Variants in LAX1 observed in about 807,000 individuals in gnomAD.
LAX1 encodes lymphocyte transmembrane adaptor 1.
A neutral mutation model predicts 20.7 loss-of-function variants in LAX1; 17 were observed. The ratio of observed to expected loss-of-function variants is 0.82; its 90% CI spans 0.56 to 1.23. The LOEUF is 1.23. LAX1 is among the 50% of genes most tolerant of loss of function. The probability of loss-of-function intolerance (pLI) is 0.00; values close to 1 mark genes in which losing one functional copy is unlikely to be tolerated. For synonymous variants in LAX1, 165 were observed against 181.0 expected, an observed-to-expected ratio of 0.91 and a Z score of 0.71; for missense variants, 470 against 487.0, an observed-to-expected ratio of 0.97 and a Z score of 0.33.
chr1:203,770,785 C>T lies in LAX1; in HGVS notation c.90-43C>T, dbSNP rs771580921. 5.1e-5 allele frequency: 76 copies of T among 1,493,988 alleles called. No individual in the cohort carries two copies. The Middle Eastern group carries it at 5.1e-4, about 10-fold the overall frequency. 92.5% of individuals were successfully genotyped at this position (1,493,988 alleles called of 1,614,324 possible). A position where few individuals can be genotyped will look rare whatever the true frequency, so the allele number is the denominator to read the frequency against. On this transcript the variant is annotated intron_variant, in intron 1 of 4. Transcript: ENST00000442561. ...AAGGAAATGTCTCCTCCAGCCTCTC[C>T]ACCCTCCTACAGCTAGCACATGTCA...
At chr1:203,768,788 G>A (rs746546684) in intron 1 of LAX1, among the ~76,000 whole-genome samples, 12 of 152,158 alleles carry the variant, frequency 7.9e-5, no homozygotes, top group Non-Finnish European at 1.3e-4. Flanking sequence ...AAAGCAAGGA[G>A]ACCATCCAGG....
intron 1 of LAX1, among the ~76,000 whole-genome samples, chr1:203,767,601 C>T (rs1015721820): frequency 6.6e-6 from 1 of 152,078 alleles, no homozygotes; most frequent in African/African-American, 2.4e-5. Context: ...AGCCACCATG[C>T]CCCGCCTTGG....
chr1:203,772,622 T>C (rs1035408720), intron 4 of LAX1, among the ~76,000 whole-genome samples: 6 of 152,172 alleles, frequency 3.9e-5, no homozygotes, highest in Admixed American at 2.6e-4. Context: ...GAGACGGGGT[T>C]TCACCATGTT....
intron 4 of LAX1, among the ~76,000 whole-genome samples, chr1:203,773,164 A>G (rs751501287): frequency 5.3e-5 from 8 of 152,314 alleles, no homozygotes; most frequent in Non-Finnish European, 1.2e-4. Flanking sequence ...CCTCAGGAGC[A>G]GAAATATCTG....
intron 1 of LAX1, among the ~76,000 whole-genome samples, chr1:203,770,433 A>AAGAAAGAGAGAG (rs1553254323): frequency 4.5e-5 from 2 of 44,926 alleles, no homozygotes; most frequent in Non-Finnish European, 9.8e-5. Context: ...GAAAGAAAGA[A>AAGAAAGAGAGAG]AGAGAGAGAG....
Position 203,765,542 on chromosome 1 carries a change from A to G in LAX1, c.-24A>G, listed in dbSNP as rs754960006. ...AGAAACTTAGAAGCTGAAGCCAGAGAGCATCTCAAAGGTTCCTGATACAAT... is the reference window on the plus strand; with the variant it reads ...AGAAACTTAGAAGCTGAAGCCAGAGGGCATCTCAAAGGTTCCTGATACAAT... On this transcript the variant is annotated 5_prime_UTR_variant, in exon 1 of 5. Transcript: ENST00000442561. 2 of 1,613,958 alleles carry G rather than the reference A, an allele frequency of 1.2e-6. No homozygotes were observed. The highest frequency in any genetic ancestry group is 2.7e-5 in the African/African-American group (2 of 74,930).
At chr1:203,771,849 C>A (rs1167002719) in intron 3 of LAX1, among the ~76,000 whole-genome samples, 1 of 152,086 alleles carries the variant, frequency 6.6e-6, no homozygotes, top group African/African-American at 2.4e-5. Context: ...GCCTCCCAAC[C>A]CCTGTGATAG....
intron 4 of LAX1, 67 bp from the exon 5 acceptor site, chr1:203,773,808 C>A: frequency 7.4e-6 from 2 of 272,098 alleles, no homozygotes; most frequent in Non-Finnish European, 1.3e-5. Flanking sequence ...TGGTATTTTC[C>A]AAGAAGAAAG....
intron 1 of LAX1, among the ~76,000 whole-genome samples, chr1:203,768,483 A>G (rs1412505766): frequency 2.6e-5 from 4 of 152,122 alleles, no homozygotes; most frequent in African/African-American, 9.7e-5. Context: ...CAGCTGGGAG[A>G]GGAGGATTCC....
intron 1 of LAX1, among the ~76,000 whole-genome samples, chr1:203,770,563 AAGAAAGAG>A (rs1390008521): frequency 6.6e-6 from 1 of 150,824 alleles, no homozygotes; most frequent in African/African-American, 2.4e-5. Context: ...GAAAGAAAGA[AAGAAAGAG>A]ATTAATAAGT....
At chr1:203,772,878 A>G (rs532268213) in intron 4 of LAX1, among the ~76,000 whole-genome samples, 59 of 151,600 alleles carry the variant, frequency 3.9e-4, no homozygotes, top group Admixed American at 3.9e-3. Context: ...GTTTCACCAT[A>G]TTGCCCAGGC....
chr1:203,771,886 G>A (rs1667428154), intron 3 of LAX1, among the ~76,000 whole-genome samples, 182 bp from the exon 4 acceptor site: 1 of 152,062 alleles, frequency 6.6e-6, no homozygotes. Context: ...AGAAGCTGAG[G>A]GGCTTCCGGT....
intron 1 of LAX1, among the ~76,000 whole-genome samples, chr1:203,769,434 AAAGAAAGAAGGAAAGAAAGAAAAGAAAAG>A (rs1410459174): frequency 8.9e-4 from 90 of 101,608 alleles, no homozygotes; most frequent in Admixed American, 2.8e-3. Flanking sequence ...AGAAAGAAAG[AAAGAAAGAAGGAAAGAAAGAAAAGAAAAG>A]AAAGAAAGTT....
At chr1:203,770,203 G>A (rs1354197530) in intron 1 of LAX1, among the ~76,000 whole-genome samples, 1 of 151,718 alleles carries the variant, frequency 6.6e-6, no homozygotes, top group African/African-American at 2.4e-5. Flanking sequence ...AGATGACAAG[G>A]TCAAGAGATT....
Position 203,775,068 on chromosome 1 carries a change from A to C in LAX1, c.*387A>C, listed in dbSNP as rs1440338373. 5.2e-6 allele frequency: 1 copy of C among 191,796 alleles called. No individual in the cohort carries two copies. Among genetic ancestry groups the C allele is most frequent in the Non-Finnish European group, 1.1e-5 (1 of 92,800 alleles). The allele number at this position is 191,796 out of a possible 1,614,324, so 11.9% of individuals were successfully genotyped here. A position where few individuals can be genotyped will look rare whatever the true frequency, so the allele number is the denominator to read the frequency against. On this transcript the variant is annotated 3_prime_UTR_variant, in exon 5 of 5. Coordinates refer to ENST00000442561, the MANE Select transcript of LAX1 (RefSeq NM_017773.4). ...CAGTCAGAGGTCAAAAGGAAGGAAG[A>C]AGTTGGAGTGGAGTGGGGTGGGCAA...
intron 1 of LAX1, among the ~76,000 whole-genome samples, chr1:203,766,074 CCTTAGGACGTAAAAT>C (rs1667299098): frequency 6.6e-6 from 1 of 152,130 alleles, no homozygotes; most frequent in African/African-American, 2.4e-5. Flanking sequence ...AAAGATACGT[CCTTAGGACGTAAAAT>C]CTTACAGAAC....
Position 203,774,162 on chromosome 1 carries a change from G to C in LAX1, c.678G>C (p.Glu226Asp), listed in dbSNP as rs201533234. Residue 226 changes from glutamate to aspartate, a missense_variant, in exon 5 of 5, where the codon GAG (glutamate) becomes GAC (aspartate). Glu to Asp is a conservative substitution (Grantham distance 45, BLOSUM62 2). Transcript: ENST00000442561. ...LFVLPSTQKLEFTEERDEGCG... is the reference protein window; with the variant it reads ...LFVLPSTQKLDFTEERDEGCG... ...TTCTTCCCAGTACCCAGAAGCTGGA[G>C]TTTACTGAGGAAAGAGATGAGGGCT... 151 of 1,614,120 alleles carry C rather than the reference G, an allele frequency of 9.4e-5. No homozygotes were observed. Among genetic ancestry groups the C allele is most frequent in the Non-Finnish European group, 1.2e-4 (139 of 1,180,056 alleles).
chr1:203,770,487 AAGGAAGGAAGGAAGG>A lies in LAX1; in HGVS notation c.90-339_90-325del, dbSNP rs1558070773. On this transcript the variant is annotated intron_variant, in intron 1 of 4. Transcript: ENST00000442561. ...GAAGGAAGGAAGGAAGGAAGGAAGG[AAGGAAGGAAGGAAGG>A]AAGGAAGGAAGAAAGAAAGAAAGAA... Among the ~76,000 whole-genome samples, 31 of 77,356 alleles carry A rather than the reference AAGGAAGGAAGGAAGG, an allele frequency of 4.0e-4. No homozygotes were observed. The East Asian group carries it at 0.013, about 32-fold the overall frequency. 50.7% of individuals were successfully genotyped at this position (77,356 alleles called of 152,430 possible).
chr1:203,775,928 T>G lies in LAX1; in HGVS notation c.*1247T>G, dbSNP rs1667503348. ...TCAGGTTTGAGAAAAGGAGGGAAGTTTGCTACAAAGGGGCTGCAAAGGGAA... is the reference window on the plus strand; with the variant it reads ...TCAGGTTTGAGAAAAGGAGGGAAGTGTGCTACAAAGGGGCTGCAAAGGGAA... On this transcript the variant is annotated 3_prime_UTR_variant, in exon 5 of 5. Coordinates refer to ENST00000442561, the MANE Select transcript of LAX1 (RefSeq NM_017773.4). 1 of 152,250 alleles carries G rather than the reference T, an allele frequency of 6.6e-6. No homozygotes were observed. The highest frequency in any genetic ancestry group is 6.6e-5 in the Admixed American group (1 of 15,262). The allele number at this position is 152,250 out of a possible 1,614,324, so 9.4% of individuals were successfully genotyped here. A position where few individuals can be genotyped will look rare whatever the true frequency, so the allele number is the denominator to read the frequency against.
Sources: gnomAD v4.1 joint callset for allele counts (sites outside exome capture counted in the v4.1 genomes callset) on GRCh38, gnomAD v4.1.1 for gene constraint, MANE v1.5 for transcripts, NCBI Gene and HGNC (gene_info 2026-07-23, HGNC 2026-07-21) for gene names.